Variants in PCDHA1 observed in about 807,000 individuals in gnomAD.
The protein encoded by PCDHA1 is protocadherin alpha-1.
A neutral mutation model predicts 61.3 loss-of-function variants in PCDHA1; 42 were observed. The ratio of observed to expected loss-of-function variants is 0.69; its 90% CI spans 0.54 to 0.89. PCDHA1 has a LOEUF of 0.89. Among genes scored for constraint, PCDHA1 ranks in the 40% least tolerant of loss-of-function variants. The pLI, the probability that PCDHA1 is intolerant of heterozygous loss-of-function variation, is 0.00. For missense variants in PCDHA1, 1,256 were observed against 1,235.3 expected, an observed-to-expected ratio of 1.02 and a Z score of -0.25; for synonymous variants, 610 against 553.8, an observed-to-expected ratio of 1.10 and a Z score of -1.43.
At position 140,850,009 on chromosome 5, in the gene PCDHA1, C is replaced by G. The variant is rs2150463255; in HGVS notation, c.2394+61325C>G. The G allele has an allele frequency of 3.8e-5, 61 of 1,596,962 alleles. 4 individuals carry two copies. Among genetic ancestry groups the G allele is most frequent in the Non-Finnish European group, 5.1e-5 (60 of 1,167,842 alleles). On this transcript the variant is annotated intron_variant, in intron 1 of 3. Transcript: ENST00000504120. ...CGGCGGTTGGGCGAGCGCTCGCTGT[C>G]GAGCTACGTGTCAGTGCACGCGGAG...
At chr5:140,809,861 AT>A (rs1764556615) in intron 1 of PCDHA1, 1 of 287,800 alleles carries the variant, frequency 3.5e-6, no homozygotes, top group South Asian at 6.6e-5. Context: ...TTTAGAAAAC[AT>A]TTTACTATTA....
In PCDHA1 at chr5:140,982,553, T is replaced by A. The variant is rs782605920; in HGVS notation, c.2532T>A (p.Ser844Arg). The A allele has an allele frequency of 1.9e-5, 30 of 1,614,054 alleles. No homozygotes were observed. In the South Asian group the frequency reaches 3.2e-4, roughly 17 times the overall value. ...GPDQQWPTVS[S>R]ATPEPEAGEV... ...ATCAGCAGTGGCCAACAGTATCCAG[T>A]GCAACACCAGGTAAAGAGCTGGGGT... The change falls in exon 3 of 4, where the codon AGT (serine) becomes AGA (arginine). Residue 844 changes from serine (S) to arginine (R), a missense_variant. Transcript: ENST00000504120.
In PCDHA1 at chr5:140,840,812, T is replaced by A. The variant is rs147965957; in HGVS notation, c.2394+52128T>A. On this transcript the variant is annotated intron_variant, in intron 1 of 3. Transcript: ENST00000504120. ...CTCACCTCAGAGTAATATATACCAG[T>A]GTTTCTGGTGACCAAATAAATATTA... 9.5e-4 allele frequency among the ~76,000 whole-genome samples: 144 copies of A among 152,170 alleles called. 3 individuals carry two copies. The highest frequency in any genetic ancestry group is 3.3e-3 in the African/African-American group (139 of 41,494).
At chr5:140,927,189 G>T in intron 1 of PCDHA1, 1 of 1,614,150 alleles carries the variant, frequency 6.2e-7, no homozygotes. Flanking sequence ...CCTACGACCT[G>T]GTGCTCGAGG....
At chr5:141,004,192 C>G (rs2098157863) in intron 3 of PCDHA1, among the ~76,000 whole-genome samples, 1 of 152,192 alleles carries the variant, frequency 6.6e-6, no homozygotes, top group African/African-American at 2.4e-5. Flanking sequence ...TGCTCTTAAC[C>G]AAAAGGAATT....
At chr5:141,000,415 ATATATATTTTTTTT>A (rs2097922429) in intron 3 of PCDHA1, among the ~76,000 whole-genome samples, 2 of 87,398 alleles carry the variant, frequency 2.3e-5, no homozygotes, top group Non-Finnish European at 4.3e-5. Flanking sequence ...ATATATATAT[ATATATATTTTTTTT>A]TTTTTTTTTT....
At chr5:140,795,504 A>G (rs1761964492) in intron 1 of PCDHA1, 2 of 1,614,102 alleles carry the variant, frequency 1.2e-6, no homozygotes, top group Admixed American at 1.7e-5. Context: ...TTTTCTTCCT[A>G]GATATACAGG....
At chr5:140,807,801 C>G (rs782056776) in intron 1 of PCDHA1, 1 of 1,614,136 alleles carries the variant, frequency 6.2e-7, no homozygotes, top group Admixed American at 1.7e-5. Flanking sequence ...AGAGAAGAAG[C>G]TCCGGAGATT....
intron 1 of PCDHA1, chr5:140,927,907 G>A (rs1179807732): frequency 4.9e-5 from 79 of 1,614,038 alleles, no homozygotes; most frequent in Non-Finnish European, 6.6e-5. Flanking sequence ...TCATGCCCCC[G>A]AACTGGACTT....
chr5:140,834,672 G>T, intron 1 of PCDHA1: 1 of 1,614,242 alleles, frequency 6.2e-7, no homozygotes, highest in Non-Finnish European at 8.5e-7. Flanking sequence ...GGAGCTGTGC[G>T]GGCGGAGCGC....
At chr5:140,957,548 T>C (rs1554223015) in intron 1 of PCDHA1, among the ~76,000 whole-genome samples, 1 of 152,154 alleles carries the variant, frequency 6.6e-6, no homozygotes, top group Non-Finnish European at 1.5e-5. Flanking sequence ...GAAAGTATTC[T>C]CTGTGGAAAA....
intron 1 of PCDHA1, among the ~76,000 whole-genome samples, chr5:140,914,983 G>C (rs2076933598): frequency 7.2e-6 from 1 of 139,166 alleles, no homozygotes; most frequent in Non-Finnish European, 1.5e-5. Context: ...GTCTTGCTCT[G>C]CTACCAGGCT....
intron 1 of PCDHA1, chr5:140,802,637 G>A (rs782147146): frequency 1.1e-5 from 18 of 1,613,676 alleles, no homozygotes; most frequent in African/African-American, 6.7e-5. Flanking sequence ...TGTCTGCGCG[G>A]GACGCGGACG....
chr5:140,833,593 A>G (rs1772535253), intron 1 of PCDHA1, among the ~76,000 whole-genome samples: 1 of 152,252 alleles, frequency 6.6e-6, no homozygotes, highest in South Asian at 2.1e-4. Context: ...CAGTATATAT[A>G]GATTCTGCTA....
intron 1 of PCDHA1, chr5:140,876,137 T>G (rs782331817): frequency 1.2e-6 from 2 of 1,613,916 alleles, no homozygotes; most frequent in Non-Finnish European, 8.5e-7. Context: ...AAACCAGAAC[T>G]AACAGGGTCT....
chr5:140,853,476 A>G (rs2042763502), intron 1 of PCDHA1: 2 of 972,352 alleles, frequency 2.1e-6, no homozygotes, highest in South Asian at 4.8e-5. Context: ...TGTAGTTAAC[A>G]TTCCTCAATT....
At position 140,968,542 on chromosome 5, in the gene PCDHA1, G is replaced by A. The variant is rs782474856; in HGVS notation, c.2395-10407G>A. On this transcript the variant is annotated intron_variant, in intron 1 of 3. Transcript: ENST00000504120. ...CAACCAACTCGTCAGCAGCCTTCGA[G>A]ATGGTGCCTCGAACTGCCCCTGCTG... is the stretch of plus-strand genomic sequence containing the variant. The A allele has an allele frequency of 1.1e-5, 18 of 1,614,204 alleles. 2 individuals are homozygous for A. In the South Asian group the frequency reaches 2.0e-4, roughly 18 times the overall value.
intron 1 of PCDHA1, chr5:140,841,972 G>A: frequency 6.2e-7 from 1 of 1,613,874 alleles, no homozygotes; most frequent in East Asian, 2.2e-5. Context: ...CCACAGATGG[G>A]GGCAAACCTG....
intron 1 of PCDHA1, among the ~76,000 whole-genome samples, chr5:140,891,237 T>C (rs2063002731): frequency 6.6e-6 from 1 of 152,210 alleles, no homozygotes; most frequent in South Asian, 2.1e-4. Flanking sequence ...CTGTTCTGGA[T>C]TCAGTAGGAT....
Sources: allele counts gnomAD v4.1 joint callset (sites outside exome capture counted in the v4.1 genomes callset), GRCh38; gene constraint gnomAD v4.1.1; transcripts MANE v1.5; gene names NCBI Gene and HGNC (gene_info 2026-07-23, HGNC 2026-07-21).